The following P2RY2 variants were observed in gnomAD, a reference collection of about 807,000 sequenced individuals.
The protein encoded by P2RY2 is P2Y purinoceptor 2.
For missense variants in P2RY2, 567 were observed against 515.7 expected, an observed-to-expected ratio of 1.10 and a Z score of -0.96; for synonymous variants, 241 against 231.9, an observed-to-expected ratio of 1.04 and a Z score of -0.35.
chr11:73,227,447 G>T (rs1174867717), intron 1 of P2RY2, among the ~76,000 whole-genome samples: 1 of 152,148 alleles, frequency 6.6e-6, no homozygotes, highest in African/African-American at 2.4e-5. Flanking sequence ...GTGTGTCTGT[G>T]CCAGTGTGTG....
chr11:73,234,773 T>G lies in P2RY2; in HGVS notation c.614T>G (p.Leu205Arg). Residue 205 changes from leucine (L) to arginine (R), a missense_variant, in exon 3 of 3, where the codon CTG (leucine) becomes CGG (arginine). By Grantham distance (102) the Leu-to-Arg change is moderately radical. Transcript: ENST00000393597. ...GCCTACAGCTCAGTCATGCTGGGCC[T>G]GCTCTTCGCGGTGCCCTTTGCCGTC... ...FVAYSSVMLG[L>R]LFAVPFAVIL... 1 of 1,611,748 alleles carries G rather than the reference T, an allele frequency of 6.2e-7. No individual in the cohort carries two copies. Among genetic ancestry groups the G allele is most frequent in the Non-Finnish European group, 8.5e-7 (1 of 1,179,942 alleles).
rs537020021 is a variant in P2RY2, at chr11:73,240,379, C to T, written c.*5086C>T. The T allele has an allele frequency of 5.8e-4, 89 of 153,550 alleles. 2 individuals are homozygous for T. The South Asian group carries it at 0.016, about 28-fold the overall frequency. 9.5% of individuals were successfully genotyped at this position (153,550 alleles called of 1,614,324 possible). A position where few individuals can be genotyped will look rare whatever the true frequency, so the allele number is the denominator to read the frequency against. Reference sequence around the variant, plus strand: ...GGGACCTGCCTGCCCCAAAATATCTCCTGCCCCTAGTTTCCAAGCCTCTTT... The same window carrying T: ...GGGACCTGCCTGCCCCAAAATATCTTCTGCCCCTAGTTTCCAAGCCTCTTT... On this transcript the variant is annotated 3_prime_UTR_variant, in exon 3 of 3. Transcript: ENST00000393597.
chr11:73,235,912 C>A lies in P2RY2; in HGVS notation c.*619C>A. 1 of 1,000,372 alleles carries A rather than the reference C, an allele frequency of 1.0e-6. No individual in the cohort carries two copies. Among genetic ancestry groups the A allele is most frequent in the Non-Finnish European group, 1.2e-6 (1 of 830,042 alleles). The allele number at this position is 1,000,372 out of a possible 1,614,324, so 62.0% of individuals were successfully genotyped here. ...AGCCAGTGTGAGGCTGTAACTTATA[C>A]TAAAGGTTGTGTTGCCTGCTGAGCT... On this transcript the variant is annotated 3_prime_UTR_variant, in exon 3 of 3. Coordinates refer to ENST00000393597, the MANE Select transcript of P2RY2 (RefSeq NM_002564.4).
chr11:73,229,479 G>A (rs1862385128), intron 2 of P2RY2, among the ~76,000 whole-genome samples: 1 of 152,112 alleles, frequency 6.6e-6, no homozygotes, highest in Admixed American at 6.5e-5. Context: ...AAGGGAGGGG[G>A]CTGGGGACTT....
At chr11:73,229,296 C>T (rs1009190969) in intron 2 of P2RY2, among the ~76,000 whole-genome samples, 23 of 152,104 alleles carry the variant, frequency 1.5e-4, no homozygotes, top group African/African-American at 5.1e-4. Flanking sequence ...TGAACACAGG[C>T]AGGGGAGCCT....
chr11:73,230,474 TG>T (rs1445810345), intron 2 of P2RY2, among the ~76,000 whole-genome samples: 4 of 152,082 alleles, frequency 2.6e-5, no homozygotes, highest in African/African-American at 9.7e-5. Flanking sequence ...GTGGGCCTAC[TG>T]TGTGCCAGGC....
At chr11:73,224,258 G>A (rs1428606613) in intron 1 of P2RY2, among the ~76,000 whole-genome samples, 1 of 152,210 alleles carries the variant, frequency 6.6e-6, no homozygotes, top group African/African-American at 2.4e-5. Flanking sequence ...TCCTCAGCCT[G>A]TGCACTCTAG....
At chr11:73,227,781 G>T (rs1001828063) in intron 1 of P2RY2, among the ~76,000 whole-genome samples, 200 bp from the exon 2 acceptor site, 1 of 152,158 alleles carries the variant, frequency 6.6e-6, no homozygotes, top group Non-Finnish European at 1.5e-5. Context: ...GGGGAAGGGG[G>T]TTGTGGATAA....
intron 1 of P2RY2, chr11:73,218,653 C>A (rs991355330): frequency 3.3e-5 from 5 of 152,468 alleles, no homozygotes; most frequent in African/African-American, 1.2e-4. Flanking sequence ...GAGCGTCGGT[C>A]TCGGTGAGTG....
At chr11:73,220,083 G>A (rs1318178941) in intron 1 of P2RY2, among the ~76,000 whole-genome samples, 3 of 152,242 alleles carry the variant, frequency 2.0e-5, no homozygotes, top group Non-Finnish European at 4.4e-5. Flanking sequence ...AACTGAGAGA[G>A]CAGCAGTGGC....
Position 73,235,408 on chromosome 11 carries a change from C to A in P2RY2, c.*115C>A. 1 of 1,467,640 alleles carries A rather than the reference C, an allele frequency of 6.8e-7. No individual in the cohort carries two copies. The highest frequency in any genetic ancestry group is 1.5e-5 in the South Asian group (1 of 64,928). The allele number at this position is 1,467,640 out of a possible 1,614,324, so 90.9% of individuals were successfully genotyped here. A position where few individuals can be genotyped will look rare whatever the true frequency, so the allele number is the denominator to read the frequency against. On this transcript the variant is annotated 3_prime_UTR_variant, in exon 3 of 3. Coordinates refer to ENST00000393597, the MANE Select transcript of P2RY2 (RefSeq NM_002564.4). ...ACCATCAGTGACTCATGCTGGATGA[C>A]CCCATGCTCCGTCATTTGACAGGGG...
In P2RY2 at chr11:73,235,553, C is replaced by A; in HGVS notation, c.*260C>A. 6.6e-6 allele frequency: 8 copies of A among 1,204,336 alleles called. No individual in the cohort carries two copies. The highest frequency in any genetic ancestry group is 8.3e-6 in the Non-Finnish European group (8 of 961,156). The allele number at this position is 1,204,336 out of a possible 1,614,324, so 74.6% of individuals were successfully genotyped here. A position where few individuals can be genotyped will look rare whatever the true frequency, so the allele number is the denominator to read the frequency against. ...AGGCAAGAGCTCAAGGTCAATGACA[C>A]CCCTGGCCTGACTCCCATGCAAGTA... On this transcript the variant is annotated 3_prime_UTR_variant, in exon 3 of 3. Transcript: ENST00000393597.
rs758486959 is a variant in P2RY2, at chr11:73,235,074, C to G, written c.915C>G (p.Leu305=). The G allele has an allele frequency of 5.0e-6, 8 of 1,608,150 alleles. No individual in the cohort carries two copies. In the South Asian group the frequency reaches 7.7e-5, roughly 15 times the overall value. The change falls in exon 3 of 3, where the codon CTC becomes CTG. Residue 305 remains leucine, a synonymous_variant. Transcript: ENST00000393597. ...ASANSCLDPV[L]YFLAGQRLVR... ...CTAACAGTTGCCTTGACCCCGTGCT[C>G]TACTTCCTGGCTGGGCAGAGGCTCG...
At position 73,234,159 on chromosome 11, in the gene P2RY2, G is replaced by A. The variant is rs1180850554; in HGVS notation, c.-1G>A. 2 of 1,601,704 alleles carry A rather than the reference G, an allele frequency of 1.2e-6. No individual in the cohort carries two copies. The highest frequency in any genetic ancestry group is 4.5e-5 in the East Asian group (2 of 44,746). On this transcript the variant is annotated 5_prime_UTR_variant, in exon 3 of 3. Transcript: ENST00000393597. ...CCCACCCCTCCCTTCCCTGCAGGGCGATGGCAGCAGACCTGGGCCCCTGGA... is the reference window on the plus strand; with the variant it reads ...CCCACCCCTCCCTTCCCTGCAGGGCAATGGCAGCAGACCTGGGCCCCTGGA...
chr11:73,238,811 C>A lies in P2RY2; in HGVS notation c.*3518C>A, dbSNP rs1042821260. 2.0e-5 allele frequency among the ~76,000 whole-genome samples: 3 copies of A among 152,226 alleles called. No homozygotes were observed. The highest frequency in any genetic ancestry group is 4.4e-5 in the Non-Finnish European group (3 of 68,036). On this transcript the variant is annotated 3_prime_UTR_variant, in exon 3 of 3. Transcript: ENST00000393597. Reference sequence around the variant, plus strand: ...ATGCCCTTTATAGTGCCCCACGACACTCACAGCCCTGCAGGGCAGAAGGGT... The same window carrying A: ...ATGCCCTTTATAGTGCCCCACGACAATCACAGCCCTGCAGGGCAGAAGGGT...
intron 2 of P2RY2, 30 bp from the exon 3 acceptor site, chr11:73,234,126 C>T: frequency 6.4e-7 from 1 of 1,574,026 alleles, no homozygotes; most frequent in South Asian, 1.2e-5. Context: ...GGCCACAACC[C>T]TGATGGCCCC....
intron 1 of P2RY2, among the ~76,000 whole-genome samples, chr11:73,227,766 G>A (rs546741057): frequency 9.2e-5 from 14 of 152,284 alleles, no homozygotes; most frequent in East Asian, 3.9e-4. Context: ...TGTGAAAGGC[G>A]GCCTGGGGAA....
intron 2 of P2RY2, among the ~76,000 whole-genome samples, chr11:73,232,873 C>T (rs962290880): frequency 1.3e-5 from 2 of 152,110 alleles, no homozygotes; most frequent in Non-Finnish European, 2.9e-5. Flanking sequence ...ACGTTAGGCA[C>T]GTCTTTGTCT....
intron 1 of P2RY2, among the ~76,000 whole-genome samples, chr11:73,224,169 C>T (rs1033387830): frequency 2.0e-5 from 3 of 152,190 alleles, no homozygotes; most frequent in African/African-American, 7.2e-5. Context: ...GGTGCAGAAG[C>T]ATGTCAGGCA....
Sources: gnomAD v4.1 joint callset for allele counts (sites outside exome capture counted in the v4.1 genomes callset) on GRCh38, gnomAD v4.1.1 for gene constraint, MANE v1.5 for transcripts, NCBI Gene and HGNC (gene_info 2026-07-23, HGNC 2026-07-21) for gene names.